The following CACNA1B variants were observed in gnomAD, a reference collection of about 807,000 sequenced individuals.
CACNA1B encodes voltage-dependent N-type calcium channel subunit alpha-1B.
Under a neutral mutation model 247.2 loss-of-function variants are expected in CACNA1B, and 70 were observed. The observed-to-expected ratio is 0.28, with a 90% confidence interval of 0.23 to 0.35. CACNA1B has a LOEUF of 0.35. Ranked by LOEUF, CACNA1B falls within the 10% of genes least tolerant of loss-of-function variation. The pLI is 1.00. For missense variants in CACNA1B, 2,367 were observed against 3,197.4 expected (o/e 0.74, Z 6.26); for synonymous variants, 1,231 against 1,294.4 (o/e 0.95, Z 1.05).
rs1050601731 is a variant in CACNA1B at position 138,057,076 on chromosome 9, T to A, written c.3969-656T>A. Reference sequence around the variant, plus strand: ...TCAGCCTCCCGAGTAGCTGGGACTATAGGCGCCCGCCACCACGCCCGGCTA... The same window carrying A: ...TCAGCCTCCCGAGTAGCTGGGACTAAAGGCGCCCGCCACCACGCCCGGCTA... On this transcript the variant is annotated intron_variant, in intron 26 of 46. Coordinates refer to ENST00000371372, the MANE Select transcript of CACNA1B (RefSeq NM_000718.4). The surrounding 1 kb of genome is among the most constrained non-coding windows in gnomAD (Gnocchi z 4.0). Among the ~76,000 whole-genome samples the A allele has an allele frequency of 6.6e-6, 1 of 151,616 alleles. No homozygotes were observed. The highest frequency in any genetic ancestry group is 2.4e-5 in the African/African-American group (1 of 41,296).
intron 3 of CACNA1B, among the ~76,000 whole-genome samples, chr9:137,909,189 C>T (rs1272633250): frequency 2.0e-5 from 3 of 151,998 alleles, no homozygotes; most frequent in Non-Finnish European, 2.9e-5. Context: ...GGGGTTTCTC[C>T]ATGTTGGTCA....
In CACNA1B at chr9:138,078,141, G is replaced by A. The variant is rs942631104; in HGVS notation, c.4977G>A (p.Glu1659=). 1 of 1,613,950 alleles carries A rather than the reference G, an allele frequency of 6.2e-7. No homozygotes were observed. The highest frequency in any genetic ancestry group is 1.7e-5 in the Admixed American group (1 of 60,030). The change falls in exon 36 of 47, where the codon GAG becomes GAA. Residue 1659 remains glutamate, a synonymous_variant. Coordinates refer to ENST00000371372, the MANE Select transcript of CACNA1B (RefSeq NM_000718.4). ...FRSATGEAWH[E]IMLSCLSNQA... ...GCGCCACGGGGGAGGCCTGGCACGA[G>A]ATCATGCTGTCCTGCCTGAGCAACC...
In CACNA1B at chr9:138,034,006, G is replaced by A. The variant is rs574942717; in HGVS notation, c.3286+8834G>A. On this transcript the variant is annotated intron_variant, in intron 20 of 46. Transcript: ENST00000371372. ...ACTTGAGTTCCACTGACATTCTAGG[G>A]GAGAAGGATTACTCATTACTGCTAG... Among the ~76,000 whole-genome samples the A allele has an allele frequency of 3.3e-5, 5 of 152,268 alleles. No homozygotes were observed. In the South Asian group the frequency reaches 1.0e-3, roughly 32 times the overall value.
chr9:138,000,320 G>C (rs558894014), intron 15 of CACNA1B, among the ~76,000 whole-genome samples: 51 of 152,100 alleles, frequency 3.4e-4, no homozygotes, highest in Non-Finnish European at 5.1e-4. Flanking sequence ...GGATGGTCTC[G>C]ATCTCCTGAC....
chr9:138,061,556 A>C (rs1393536307), intron 31 of CACNA1B, among the ~76,000 whole-genome samples: 1 of 152,216 alleles, frequency 6.6e-6, no homozygotes, highest in Non-Finnish European at 1.5e-5. Flanking sequence ...AGGTCAGGGC[A>C]GCGTCTCCTA....
At position 137,992,988 on chromosome 9, in the gene CACNA1B, G is replaced by A. The variant is rs11137333; in HGVS notation, c.1974+6134G>A. ...ATTTAAAAAAATCTTTGAACTGAAC[G>A]ATAATAGTGACACAACCTATCAAAA... On this transcript the variant is annotated intron_variant, in intron 15 of 46. Transcript: ENST00000371372. Among the ~76,000 whole-genome samples the A allele has an allele frequency of 3.6e-4, 55 of 152,210 alleles. No individual in the cohort carries two copies. The East Asian group carries it at 0.01, about 28-fold the overall frequency.
intron 31 of CACNA1B, among the ~76,000 whole-genome samples, chr9:138,067,143 T>C (rs1959949606): frequency 6.6e-6 from 1 of 152,192 alleles, no homozygotes; most frequent in Non-Finnish European, 1.5e-5. Flanking sequence ...AACACATTAC[T>C]AGAAAAATAT....
intron 15 of CACNA1B, among the ~76,000 whole-genome samples, chr9:138,001,739 A>G (rs1048936096): frequency 2.0e-5 from 3 of 152,308 alleles, no homozygotes; most frequent in Admixed American, 6.5e-5. Flanking sequence ...GTACAAAAAT[A>G]TAGCTTTTCT....
intron 15 of CACNA1B, among the ~76,000 whole-genome samples, chr9:138,002,903 C>A (rs148099601): frequency 1.5e-4 from 22 of 151,382 alleles, no homozygotes; most frequent in African/African-American, 5.3e-4. Flanking sequence ...CGGGTTCAAG[C>A]GATTTTTCTG....
Position 138,120,329 on chromosome 9 carries a change from G to C in CACNA1B, c.6195G>C (p.Arg2065Ser). The change falls in exon 45 of 47, where the codon AGG (arginine) becomes AGC (serine). Residue 2065 changes from arginine (R) to serine (S), a missense_variant. Around this residue, in one of 12 missense-constraint regions of CACNA1B, gnomAD observed 773 missense variants for 779.4 expected, o/e 0.99. Transcript: ENST00000371372. ...RCHRRRDRKQ[R>S]SLEKGPSLSA... ...ACCGCCGCAGGGACAGGAAGCAGAG[G>C]TCCCTGGAGAAGGGGCCCAGCCTGT... is the stretch of plus-strand genomic sequence containing the variant. The C allele has an allele frequency of 6.4e-7, 1 of 1,561,694 alleles. No homozygotes were observed. The highest frequency in any genetic ancestry group is 8.6e-7 in the Non-Finnish European group (1 of 1,158,986).
intron 10 of CACNA1B, among the ~76,000 whole-genome samples, chr9:137,966,993 G>A (rs756698329): frequency 2.4e-4 from 36 of 149,152 alleles, no homozygotes; most frequent in Non-Finnish European, 4.4e-4. Flanking sequence ...AAAAAACCCA[G>A]TTGTATGGTG....
At chr9:138,098,893 A>C (rs1030493556) in intron 37 of CACNA1B, among the ~76,000 whole-genome samples, 2 of 152,214 alleles carry the variant, frequency 1.3e-5, no homozygotes, top group African/African-American at 4.8e-5. Flanking sequence ...ACGTAGTCCA[A>C]GATGGCCAGG....
intron 16 of CACNA1B, among the ~76,000 whole-genome samples, chr9:138,008,167 G>A (rs116397490): frequency 2.9e-3 from 439 of 152,302 alleles, no homozygotes; most frequent in African/African-American, 9.4e-3. Context: ...GGCTGGCACC[G>A]GAGGCACCAA....
chr9:137,953,570 C>T (rs990209366), intron 7 of CACNA1B, among the ~76,000 whole-genome samples: 3 of 152,136 alleles, frequency 2.0e-5, no homozygotes, highest in Non-Finnish European at 2.9e-5. Flanking sequence ...GACCGGCTCA[C>T]GGGATGGAAA....
At chr9:137,972,880 C>T (rs1353627875) in intron 11 of CACNA1B, among the ~76,000 whole-genome samples, 1 of 152,226 alleles carries the variant, frequency 6.6e-6, no homozygotes, top group Non-Finnish European at 1.5e-5. Context: ...GTACATGGAA[C>T]TGCCTGTCCC....
At chr9:138,096,881 G>A (rs1232194110) in intron 37 of CACNA1B, among the ~76,000 whole-genome samples, 2 of 150,482 alleles carry the variant, frequency 1.3e-5, no homozygotes, top group East Asian at 3.9e-4. Context: ...TCCTTGGGAG[G>A]TACCAGGAGT....
rs757389741 is a variant in CACNA1B, at chr9:138,068,587, T to C, written c.4669-1171T>C. 5.8e-6 allele frequency: 3 copies of C among 518,860 alleles called. No homozygotes were observed. The Admixed American group carries it at 5.8e-5, about 10-fold the overall frequency. 32.1% of individuals were successfully genotyped at this position (518,860 alleles called of 1,614,324 possible). ...AGGCACAGGTGGGCTGCATTGCTGA[T>C]TCCTAAGGGCCTCCTCCTTGGAAAC... On this transcript the variant is annotated intron_variant, in intron 31 of 46. Coordinates refer to ENST00000371372, the MANE Select transcript of CACNA1B (RefSeq NM_000718.4).
Position 138,058,841 on chromosome 9 carries a change from A to G in CACNA1B, c.4473+108A>G. On this transcript the variant is annotated intron_variant, in intron 29 of 46. Transcript: ENST00000371372. This position sits in a 1 kb window ranked among gnomAD's most constrained non-coding sequence, Gnocchi z 4.7. ...TCTTCCTCCCTGCATGAGCCAAAGC[A>G]GTAGTGGCCTTGCATCCTGGCCAGC... The G allele has an allele frequency of 9.7e-7, 1 of 1,031,926 alleles. No homozygotes were observed. Among genetic ancestry groups the G allele is most frequent in the South Asian group, 1.4e-5 (1 of 70,762 alleles). 63.9% of individuals were successfully genotyped at this position (1,031,926 alleles called of 1,614,324 possible). A position where few individuals can be genotyped will look rare whatever the true frequency, so the allele number is the denominator to read the frequency against.
At position 138,121,836 on chromosome 9, in the gene CACNA1B, C is replaced by T; in HGVS notation, c.6857C>T (p.Thr2286Ile). Reference protein sequence around the residue: ...DTLTFEEAVATNSGRSSRTSY... With the variant: ...DTLTFEEAVAINSGRSSRTSY... ...CTCACTTTCGAGGAGGCTGTGGCCA[C>T]CAACTCGGGCCGCTCCTCCAGGACT... Residue 2286 changes from threonine to isoleucine, a missense_variant, in exon 47 of 47, where the codon ACC becomes ATC. Thr to Ile is a moderately conservative substitution (Grantham distance 89, BLOSUM62 -1). This residue lies in a region of CACNA1B where 773 missense variants were observed against 779.4 expected (regional missense o/e 0.99). Transcript: ENST00000371372. This position sits in a 1 kb window ranked among gnomAD's most constrained non-coding sequence, Gnocchi z 6.8. 1 of 1,613,350 alleles carries T rather than the reference C, an allele frequency of 6.2e-7. No individual in the cohort carries two copies. The highest frequency in any genetic ancestry group is 8.5e-7 in the Non-Finnish European group (1 of 1,179,868).
Sources: allele counts gnomAD v4.1 joint callset (sites outside exome capture counted in the v4.1 genomes callset), GRCh38; gene constraint gnomAD v4.1.1; regional missense constraint gnomAD v4.1.1; non-coding constraint Gnocchi (gnomAD v3.1); transcripts MANE v1.5; gene names NCBI Gene and HGNC (gene_info 2026-07-23, HGNC 2026-07-21).